Variants in KCNN2 observed in about 807,000 individuals in gnomAD.
KCNN2 encodes potassium calcium-activated channel subfamily N member 2.
Under a neutral mutation model 55.5 loss-of-function variants are expected in KCNN2, and 24 were observed. That is an observed-to-expected ratio of 0.43 (90% CI 0.31 to 0.61). The LOEUF (loss-of-function observed/expected upper bound fraction) is 0.61. KCNN2 is among the 20% of genes least tolerant of loss of function. The pLI is 0.08. For synonymous variants in KCNN2, 431 were observed against 336.1 expected, an observed-to-expected ratio of 1.28 and a Z score of -3.09; for missense variants, 754 against 853.6, an observed-to-expected ratio of 0.88 and a Z score of 1.45.
intron 6 of KCNN2, among the ~76,000 whole-genome samples, chr5:114,492,349 T>C (rs1747899312): frequency 6.6e-6 from 1 of 152,182 alleles, no homozygotes; most frequent in South Asian, 2.1e-4. Flanking sequence ...GCATTAAAAC[T>C]ATACTTTGTA....
chr5:114,488,296 G>C (rs577752670), intron 6 of KCNN2, among the ~76,000 whole-genome samples: 22 of 152,188 alleles, frequency 1.4e-4, no homozygotes, highest in Middle Eastern at 3.4e-3. Flanking sequence ...AGAGTATCTG[G>C]CCTTCATTGC....
At chr5:114,328,884 C>T (rs773517503) in intron 2 of KCNN2, among the ~76,000 whole-genome samples, 34 of 152,270 alleles carry the variant, frequency 2.2e-4, no homozygotes, top group Non-Finnish European at 3.7e-4. Context: ...AAGACAATTA[C>T]GAAAGGCCCC....
At chr5:114,237,286 A>ACACACTCACACACACACT in intron 2 of KCNN2, among the ~76,000 whole-genome samples, 2 of 146,670 alleles carry the variant, frequency 1.4e-5, no homozygotes, top group African/African-American at 5.2e-5. Flanking sequence ...ACACACACAC[A>ACACACTCACACACACACT]CACACTCACA....
intron 1 of KCNN2, among the ~76,000 whole-genome samples, chr5:114,060,030 C>CCTCAGTA (rs1318960396): frequency 6.6e-6 from 1 of 152,236 alleles, no homozygotes; most frequent in Admixed American, 6.5e-5. Flanking sequence ...CCGAAACAGT[C>CCTCAGTA]CCTAACAGCC....
chr5:114,140,067 A>T (rs954829594), intron 1 of KCNN2, among the ~76,000 whole-genome samples: 2 of 152,134 alleles, frequency 1.3e-5, no homozygotes, highest in Non-Finnish European at 2.9e-5. Context: ...TTTTATATAA[A>T]TATGTAAGTT....
At chr5:114,407,673 C>T (rs2150072814) in intron 3 of KCNN2, among the ~76,000 whole-genome samples, 1 of 152,292 alleles carries the variant, frequency 6.6e-6, no homozygotes, top group East Asian at 1.9e-4. Context: ...TTTGTGTCTT[C>T]TCTGACCATC....
At chr5:114,298,217 A>G (rs532998134) in intron 2 of KCNN2, among the ~76,000 whole-genome samples, 1 of 152,332 alleles carries the variant, frequency 6.6e-6, no homozygotes, top group Admixed American at 6.5e-5. Context: ...TAGACAAAAG[A>G]TGCCACTTAC....
intron 2 of KCNN2, among the ~76,000 whole-genome samples, chr5:114,349,937 A>G (rs2150039811): frequency 6.6e-6 from 1 of 152,094 alleles, no homozygotes; most frequent in Non-Finnish European, 1.5e-5. Flanking sequence ...TTTTAAATAT[A>G]GGCATCCTAG....
intron 1 of KCNN2, among the ~76,000 whole-genome samples, chr5:114,209,774 A>G (rs1162980869): frequency 1.3e-5 from 2 of 152,214 alleles, no homozygotes; most frequent in African/African-American, 2.4e-5. Context: ...AGATTTCCCT[A>G]TAAACCCAGA....
chr5:114,189,993 G>A (rs1753418856), intron 1 of KCNN2, among the ~76,000 whole-genome samples: 2 of 152,022 alleles, frequency 1.3e-5, no homozygotes, highest in South Asian at 4.1e-4. Flanking sequence ...AAAATAAAAT[G>A]TAGAAGAATA....
At chr5:114,281,066 A>C (rs1280160145) in intron 2 of KCNN2, among the ~76,000 whole-genome samples, 2 of 152,172 alleles carry the variant, frequency 1.3e-5, no homozygotes, top group East Asian at 3.9e-4. Context: ...GTGCTCAAAT[A>C]CCTCCTTAGA....
intron 1 of KCNN2, among the ~76,000 whole-genome samples, chr5:114,092,737 C>T (rs760082665): frequency 2.0e-5 from 3 of 152,218 alleles, no homozygotes; most frequent in Admixed American, 6.5e-5. Flanking sequence ...CACTTGTAAG[C>T]CACCAAGGCT....
chr5:114,333,000 C>T (rs1045282220), intron 2 of KCNN2, among the ~76,000 whole-genome samples: 1 of 152,284 alleles, frequency 6.6e-6, no homozygotes, highest in East Asian at 1.9e-4. Context: ...GGTCTCGCCT[C>T]ACAATAATCT....
intron 2 of KCNN2, among the ~76,000 whole-genome samples, chr5:114,222,982 T>C (rs897269858): frequency 2.6e-5 from 4 of 152,226 alleles, no homozygotes; most frequent in African/African-American, 9.6e-5. Flanking sequence ...ATAATCTCTA[T>C]TGAGGTCTCT....
intron 1 of KCNN2, among the ~76,000 whole-genome samples, chr5:114,149,535 G>T (rs1396993173): frequency 6.6e-6 from 1 of 152,130 alleles, no homozygotes; most frequent in Non-Finnish European, 1.5e-5. Context: ...TTATTATTAA[G>T]TTTAGTGAGG....
chr5:114,183,743 T>C (rs1753280399), intron 1 of KCNN2, among the ~76,000 whole-genome samples: 1 of 152,062 alleles, frequency 6.6e-6, no homozygotes, highest in Non-Finnish European at 1.5e-5. Flanking sequence ...TTTTTTCTTT[T>C]TAACTTGATC....
chr5:114,442,497 A>C (rs963830809), intron 3 of KCNN2, among the ~76,000 whole-genome samples: 8 of 152,148 alleles, frequency 5.3e-5, no homozygotes, highest in African/African-American at 1.9e-4. Context: ...CACCAGGCTG[A>C]ACCTCAGTTT....
chr5:114,097,713 C>G lies in KCNN2; in HGVS notation c.-271+41213C>G, dbSNP rs549737785. On this transcript the variant is annotated intron_variant, in intron 1 of 10. Transcript: ENST00000512097. The stretch of plus-strand genomic sequence containing the variant: ...CACTTAAAGTATTAGAGCACAGACT[C>G]TTTGATTAGAACTTCTATTCCATCT... 2.6e-5 allele frequency among the ~76,000 whole-genome samples: 4 copies of G among 152,268 alleles called. No individual in the cohort carries two copies. In the East Asian group the frequency reaches 7.7e-4, roughly 29 times the overall value.
Position 114,442,838 on chromosome 5 carries a change from C to T in KCNN2, c.1638-20211C>T, listed in dbSNP as rs939125831. On this transcript the variant is annotated intron_variant, in intron 3 of 7. Transcript: ENST00000673685. ...TCAGAATATGAAACACTTGTGAACTCGGAGAGATGTGGGCAGGGGGAAAAG... is the reference window on the plus strand; with the variant it reads ...TCAGAATATGAAACACTTGTGAACTTGGAGAGATGTGGGCAGGGGGAAAAG... Among the ~76,000 whole-genome samples the T allele has an allele frequency of 3.3e-5, 5 of 152,048 alleles. No homozygotes were observed. In the South Asian group the frequency reaches 6.2e-4, roughly 19 times the overall value.
Sources: allele counts gnomAD v4.1 joint callset (sites outside exome capture counted in the v4.1 genomes callset), GRCh38; gene constraint gnomAD v4.1.1; transcripts MANE v1.5; gene names NCBI Gene and HGNC (gene_info 2026-07-23, HGNC 2026-07-21).